The following SETBP1 variants were observed in gnomAD, a reference collection of about 807,000 sequenced individuals.
SETBP1 encodes the protein SET-binding protein.
SETBP1 carries 9 observed loss-of-function variants against 101.0 expected under a neutral mutation model. The ratio of observed to expected loss-of-function variants is 0.09; its 90% CI spans 0.05 to 0.16. The LOEUF is 0.16. SETBP1 is among the 10% of genes least tolerant of loss of function. SETBP1 has a pLI of 1.00. For missense variants in SETBP1, 1,858 were observed against 2,033.8 expected (o/e 0.91, Z 1.66); for synonymous variants, 818 against 788.5 (o/e 1.04, Z -0.63).
At chr18:44,965,428 A>G (rs987027682) in intron 4 of SETBP1, among the ~76,000 whole-genome samples, 6 of 152,172 alleles carry the variant, frequency 3.9e-5, no homozygotes, top group Non-Finnish European at 7.3e-5. Context: ...TTATCACCAG[A>G]GAATTCCTTA....
At chr18:44,797,109 A>C (rs1209626207) in intron 2 of SETBP1, among the ~76,000 whole-genome samples, 3 of 152,204 alleles carry the variant, frequency 2.0e-5, no homozygotes, top group Non-Finnish European at 4.4e-5. Flanking sequence ...TTAATGCTTA[A>C]CCAGAGATGT....
intron 3 of SETBP1, among the ~76,000 whole-genome samples, chr18:44,944,674 A>C (rs2071162102): frequency 1.3e-5 from 2 of 152,172 alleles, no homozygotes; most frequent in Admixed American, 1.3e-4. Context: ...TGTAATCCCA[A>C]ATATCTTACA....
intron 4 of SETBP1, among the ~76,000 whole-genome samples, chr18:44,964,638 A>T (rs2145165702): frequency 6.6e-6 from 1 of 152,256 alleles, no homozygotes; most frequent in African/African-American, 2.4e-5. Context: ...AAAATTCAGA[A>T]AAAAACTAAA....
chr18:44,920,481 G>A (rs192796260), intron 3 of SETBP1, among the ~76,000 whole-genome samples: 12 of 152,302 alleles, frequency 7.9e-5, no homozygotes. Context: ...CTGGAGTTGG[G>A]TGTGAGAACT....
chr18:44,911,108 C>A (rs1713201040), intron 3 of SETBP1, among the ~76,000 whole-genome samples: 1 of 152,146 alleles, frequency 6.6e-6, no homozygotes, highest in Admixed American at 6.5e-5. Flanking sequence ...TTGGACCTGG[C>A]TCAAATTTGG....
intron 4 of SETBP1, among the ~76,000 whole-genome samples, chr18:45,009,876 C>G (rs938337869): frequency 2.0e-5 from 3 of 152,112 alleles, no homozygotes; most frequent in African/African-American, 7.2e-5. Context: ...CTGCTCATGC[C>G]TCCTGCTAGC....
intron 5 of SETBP1, among the ~76,000 whole-genome samples, chr18:45,044,463 G>T (rs146011715): frequency 2.0e-5 from 3 of 152,220 alleles, no homozygotes; most frequent in Non-Finnish European, 4.4e-5. Context: ...ACTCGGCAGG[G>T]TTGGAAGCTT....
At chr18:44,929,072 T>A (rs569244925) in intron 3 of SETBP1, among the ~76,000 whole-genome samples, 3 of 152,356 alleles carry the variant, frequency 2.0e-5, no homozygotes, top group Admixed American at 6.5e-5. Flanking sequence ...AGGTCTAACA[T>A]TTAAGTCTTT....
At chr18:44,724,587 T>C (rs1184278531) in intron 2 of SETBP1, among the ~76,000 whole-genome samples, 1 of 152,192 alleles carries the variant, frequency 6.6e-6, no homozygotes, top group Non-Finnish European at 1.5e-5. Flanking sequence ...TTCTGATTGC[T>C]TTAGGGGCAT....
intron 2 of SETBP1, among the ~76,000 whole-genome samples, chr18:44,717,473 T>A (rs956971947): frequency 1.3e-5 from 2 of 152,338 alleles, no homozygotes; most frequent in East Asian, 3.9e-4. Flanking sequence ...TCTCTCAGAT[T>A]GTCTTCTGAC....
At chr18:44,717,302 C>A (rs1048026893) in intron 2 of SETBP1, among the ~76,000 whole-genome samples, 3 of 152,228 alleles carry the variant, frequency 2.0e-5, no homozygotes, top group African/African-American at 7.2e-5. Flanking sequence ...AGTGAGACCA[C>A]AATAGCTAGA....
At chr18:44,930,253 T>C (rs553623073) in intron 3 of SETBP1, among the ~76,000 whole-genome samples, 3 of 152,368 alleles carry the variant, frequency 2.0e-5, no homozygotes, top group African/African-American at 7.2e-5. Context: ...GATTTGCATA[T>C]GTTGAACCAG....
intron 3 of SETBP1, among the ~76,000 whole-genome samples, chr18:44,922,370 A>G (rs1270495603): frequency 6.6e-6 from 1 of 152,246 alleles, no homozygotes; most frequent in African/African-American, 2.4e-5. Flanking sequence ...TGCACCTGCA[A>G]AATTGCAAAA....
In SETBP1 at chr18:44,701,284, C is replaced by A. The variant is rs2069110731; in HGVS notation, c.-63C>A. The A allele has an allele frequency of 4.8e-6, 7 of 1,450,328 alleles. No individual in the cohort carries two copies. The highest frequency in any genetic ancestry group is 6.4e-6 in the Non-Finnish European group (7 of 1,099,550). The allele number at this position is 1,450,328 out of a possible 1,614,324, so 89.8% of individuals were successfully genotyped here. A position where few individuals can be genotyped will look rare whatever the true frequency, so the allele number is the denominator to read the frequency against. On this transcript the variant is annotated 5_prime_UTR_variant, in exon 2 of 6. Transcript: ENST00000649279. ...GAATTTTGGGTGTCCTCTTTTCTCA[C>A]CTTTCCCTTTTCCCTTTTCCCCTTC...
At chr18:45,048,758 G>A (rs1321903662) in intron 5 of SETBP1, among the ~76,000 whole-genome samples, 1 of 151,108 alleles carries the variant, frequency 6.6e-6, no homozygotes, top group African/African-American at 2.4e-5. Flanking sequence ...GGATCATGAG[G>A]TCAGGAGATC....
intron 2 of SETBP1, among the ~76,000 whole-genome samples, chr18:44,808,173 C>T (rs2071787788): frequency 6.6e-6 from 1 of 152,166 alleles, no homozygotes; most frequent in Admixed American, 6.5e-5. Flanking sequence ...CTGTGCTTCC[C>T]TTTCATCTAT....
At chr18:44,879,007 AT>A (rs1232484127) in intron 3 of SETBP1, among the ~76,000 whole-genome samples, 2 of 152,296 alleles carry the variant, frequency 1.3e-5, no homozygotes, top group Non-Finnish European at 2.9e-5. Flanking sequence ...CAGCTCTGCC[AT>A]GATTTCCTTT....
At chr18:45,027,693 A>G (rs1421121342) in intron 4 of SETBP1, among the ~76,000 whole-genome samples, 3 of 152,194 alleles carry the variant, frequency 2.0e-5, no homozygotes, top group East Asian at 3.8e-4. Flanking sequence ...TTTACTATAA[A>G]TGGGCACCAA....
At chr18:44,709,462 C>G (rs931233318) in intron 2 of SETBP1, among the ~76,000 whole-genome samples, 14 of 152,314 alleles carry the variant, frequency 9.2e-5, no homozygotes, top group African/African-American at 3.4e-4. Flanking sequence ...CCTGCATAAT[C>G]TTAGGCAAGA....
Sources: gnomAD v4.1 joint callset for allele counts (sites outside exome capture counted in the v4.1 genomes callset) on GRCh38, gnomAD v4.1.1 for gene constraint, MANE v1.5 for transcripts, NCBI Gene and HGNC (gene_info 2026-07-23, HGNC 2026-07-21) for gene names.